Variants in CNNM3 observed in about 807,000 individuals in gnomAD.
The protein encoded by CNNM3 is cyclin and CBS domain divalent metal cation transport mediator 3.
In CNNM3, 47 loss-of-function variants were observed where a neutral mutation model predicts 57.1. The ratio of observed to expected loss-of-function variants is 0.82; its 90% CI spans 0.65 to 1.05. The LOEUF is 1.05. Among genes scored for constraint, CNNM3 ranks in the 50% least tolerant of loss-of-function variants. The probability of loss-of-function intolerance (pLI) is 0.00; values close to 1 mark genes in which losing one functional copy is unlikely to be tolerated. For synonymous variants in CNNM3, 507 were observed against 478.2 expected, an observed-to-expected ratio of 1.06 and a Z score of -0.79; for missense variants, 957 against 973.7, an observed-to-expected ratio of 0.98 and a Z score of 0.23.
chr2:96,818,462 C>G (rs1296212976), intron 1 of CNNM3, among the ~76,000 whole-genome samples: 59 of 150,648 alleles, frequency 3.9e-4, no homozygotes, highest in Non-Finnish European at 1.5e-4. Flanking sequence ...TTTTGCCCAG[C>G]CTGGTCTCGA....
chr2:96,824,971 T>C (rs1273502488), intron 1 of CNNM3, 87 bp from the exon 2 acceptor site: 14 of 1,485,856 alleles, frequency 9.4e-6, no homozygotes, highest in Non-Finnish European at 1.3e-5. Context: ...ACGTTAGCCG[T>C]GTCCTTTTGG....
intron 7 of CNNM3, chr2:96,832,039 C>T (rs1030117692): frequency 5.1e-6 from 5 of 987,810 alleles, no homozygotes; most frequent in Admixed American, 6.1e-5. Context: ...TGGACTAGTG[C>T]GCGTTTTTTG....
rs2079316906 is a variant in CNNM3 at position 96,816,397 on chromosome 2, G to C, written c.120G>C (p.Glu40Asp). 1.7e-5 allele frequency: 24 copies of C among 1,374,278 alleles called. No homozygotes were observed. The highest frequency in any genetic ancestry group is 1.7e-5 in the South Asian group (1 of 57,982). The allele number at this position is 1,374,278 out of a possible 1,614,324, so 85.1% of individuals were successfully genotyped here. A position where few individuals can be genotyped will look rare whatever the true frequency, so the allele number is the denominator to read the frequency against. ...GPRVLGFCLE[E>D]DGAAGAGWVR... is the part of the protein sequence containing the mutation. ...GAGTGCTGGGCTTCTGCCTGGAGGA[G>C]GATGGAGCGGCGGGCGCGGGTTGGG... Residue 40 changes from glutamate (E) to aspartate (D), a missense_variant, in exon 1 of 8, where the codon GAG becomes GAC. Glu to Asp is a conservative substitution (Grantham distance 45). Around this residue, in one of 2 missense-constraint regions of CNNM3, gnomAD observed 466 missense variants for 403.1 expected, o/e 1.16. Coordinates refer to ENST00000305510, the MANE Select transcript of CNNM3 (RefSeq NM_017623.5).
In CNNM3 at chr2:96,834,334, TTA is replaced by T. The variant is rs1322947661; in HGVS notation, c.*1720_*1721del. On this transcript the variant is annotated 3_prime_UTR_variant, in exon 8 of 8. Transcript: ENST00000305510. ...GAGTTTTCAATTTTTTATTTATTTA[TTA>T]TTATTATTATTATTATTATTATTAT... 1.5e-4 allele frequency among the ~76,000 whole-genome samples: 18 copies of T among 124,062 alleles called. No individual in the cohort carries two copies. Among genetic ancestry groups the T allele is most frequent in the African/African-American group, 8.8e-4 (17 of 19,268 alleles). The allele number at this position is 124,062 out of a possible 152,430, so 81.4% of individuals were successfully genotyped here.
chr2:96,836,523 G>A (rs2079693108), downstream of CNNM3: 1 of 152,142 alleles, frequency 6.6e-6, no homozygotes, highest in East Asian at 1.9e-4. Flanking sequence ...TTATAGGCAT[G>A]AGCCACCATG....
chr2:96,831,658 AG>A (rs2079603967), intron 7 of CNNM3, among the ~76,000 whole-genome samples: 1 of 152,026 alleles, frequency 6.6e-6, no homozygotes, highest in Non-Finnish European at 1.5e-5. Context: ...TTACAGAAAA[AG>A]TTGTCTGACC....
chr2:96,818,713 C>T (rs2079363152), intron 1 of CNNM3, among the ~76,000 whole-genome samples: 1 of 152,218 alleles, frequency 6.6e-6, no homozygotes, highest in South Asian at 2.1e-4. Flanking sequence ...CCAACATCAT[C>T]CTTAGTGGTG....
chr2:96,820,437 G>C (rs2079389035), intron 1 of CNNM3, among the ~76,000 whole-genome samples: 1 of 152,208 alleles, frequency 6.6e-6, no homozygotes, highest in African/African-American at 2.4e-5. Context: ...GTGGGAGGCA[G>C]AATAGGAGTG....
Position 96,816,436 on chromosome 2 carries a change from G to C in CNNM3, c.159G>C (p.Ala53=), listed in dbSNP as rs1256634396. ...AAGAGWVRGG[A]ARDTPDATFL... is the part of the protein sequence containing the mutation. ...GCGCGGGTTGGGTACGCGGAGGGGC[G>C]GCGCGGGACACGCCGGACGCCACCT... is the stretch of plus-strand genomic sequence containing the variant. Residue 53 remains alanine (A), a synonymous_variant, in exon 1 of 8, where the codon GCG becomes GCC. Transcript: ENST00000305510. 6 of 1,401,336 alleles carry C rather than the reference G, an allele frequency of 4.3e-6. No individual in the cohort carries two copies. Among genetic ancestry groups the C allele is most frequent in the Non-Finnish European group, 5.6e-6 (6 of 1,079,596 alleles). 86.8% of individuals were successfully genotyped at this position (1,401,336 alleles called of 1,614,324 possible). A position where few individuals can be genotyped will look rare whatever the true frequency, so the allele number is the denominator to read the frequency against.
At position 96,817,127 on chromosome 2, in the gene CNNM3, G is replaced by A. The variant is rs756385956; in HGVS notation, c.850G>A (p.Gly284Arg). The A allele has an allele frequency of 5.5e-5, 74 of 1,350,066 alleles. No individual in the cohort carries two copies. Among genetic ancestry groups the A allele is most frequent in the South Asian group, 2.0e-5 (1 of 51,082 alleles). The allele number at this position is 1,350,066 out of a possible 1,614,324, so 83.6% of individuals were successfully genotyped here. Residue 284 changes from glycine to arginine, a missense_variant, in exon 1 of 8, where the codon GGG becomes AGG. Gly to Arg is a moderately radical substitution (Grantham distance 125). This residue lies in a region of CNNM3 where 466 missense variants were observed against 403.1 expected (regional missense o/e 1.16). Coordinates refer to ENST00000305510, the MANE Select transcript of CNNM3 (RefSeq NM_017623.5). ...GQLLELAARP[G>R]RLRERVLELA... ...GCTGCTGGAGCTGGCGGCGCGGCCC[G>A]GGCGGCTGCGGGAGCGGGTGCTGGA... is the stretch of plus-strand genomic sequence containing the variant.
chr2:96,835,067 A>G lies in CNNM3; in HGVS notation c.*2451A>G, dbSNP rs957995963. Among the ~76,000 whole-genome samples the G allele has an allele frequency of 6.6e-6, 1 of 152,332 alleles. No homozygotes were observed. On this transcript the variant is annotated 3_prime_UTR_variant, in exon 8 of 8. Transcript: ENST00000305510. ...GTGTAACTACCACTGCAATCAGGATAAAGAAGTCCCATCCCCACAAGGATC... is the reference window on the plus strand; with the variant it reads ...GTGTAACTACCACTGCAATCAGGATGAAGAAGTCCCATCCCCACAAGGATC...
At chr2:96,826,087 C>T (rs903134945) in intron 2 of CNNM3, among the ~76,000 whole-genome samples, 6 of 152,222 alleles carry the variant, frequency 3.9e-5, no homozygotes, top group African/African-American at 7.2e-5. Context: ...TCTCTAGTTC[C>T]GTTCTTGAGA....
At chr2:96,826,712 T>C (rs2079511966) in intron 2 of CNNM3, 121 bp from the exon 3 acceptor site, 6 of 1,190,074 alleles carry the variant, frequency 5.0e-6, no homozygotes, top group Admixed American at 2.0e-5. Context: ...GGCGTTCCGA[T>C]GCTGCTCCAT....
At position 96,816,809 on chromosome 2, in the gene CNNM3, C is replaced by G; in HGVS notation, c.532C>G (p.Arg178Gly). The change falls in exon 1 of 8, where the codon CGT (arginine) becomes GGT (glycine). Residue 178 changes from arginine (R) to glycine (G), a missense_variant. Around this residue, in one of 2 missense-constraint regions of CNNM3, gnomAD observed 466 missense variants for 403.1 expected, o/e 1.16. Coordinates refer to ENST00000305510, the MANE Select transcript of CNNM3 (RefSeq NM_017623.5). ...VLRESGSEAE[R>G]AAARRLEPAR... Reference sequence around the variant, plus strand: ...GCGCGAGAGCGGCTCGGAGGCGGAGCGTGCGGCGGCGCGGCGTTTGGAGCC... The same window carrying G: ...GCGCGAGAGCGGCTCGGAGGCGGAGGGTGCGGCGGCGCGGCGTTTGGAGCC... The G allele has an allele frequency of 9.7e-7, 1 of 1,027,128 alleles. No individual in the cohort carries two copies. The highest frequency in any genetic ancestry group is 1.2e-6 in the Non-Finnish European group (1 of 860,142). 63.6% of individuals were successfully genotyped at this position (1,027,128 alleles called of 1,614,324 possible).
intron 5 of CNNM3, 77 bp downstream of exon 5, chr2:96,828,272 C>A: frequency 8.4e-7 from 1 of 1,190,400 alleles, no homozygotes; most frequent in South Asian, 1.3e-5. Context: ...CTTGGGCTCT[C>A]AGTGCCCCTC....
rs963755158 is a variant in CNNM3 at position 96,833,241 on chromosome 2, G to A, written c.*625G>A. On this transcript the variant is annotated 3_prime_UTR_variant, in exon 8 of 8. Coordinates refer to ENST00000305510, the MANE Select transcript of CNNM3 (RefSeq NM_017623.5). Reference sequence around the variant, plus strand: ...GTCCCTGTAGCCCTGCTCCCTCCCTGGAGGCTGCTCTTCTGATTCTGAGAG... The same window carrying A: ...GTCCCTGTAGCCCTGCTCCCTCCCTAGAGGCTGCTCTTCTGATTCTGAGAG... The A allele has an allele frequency of 1.4e-5, 5 of 347,168 alleles. No individual in the cohort carries two copies. Among genetic ancestry groups the A allele is most frequent in the Non-Finnish European group, 2.3e-5 (4 of 176,070 alleles). The allele number at this position is 347,168 out of a possible 1,614,324, so 21.5% of individuals were successfully genotyped here. A position where few individuals can be genotyped will look rare whatever the true frequency, so the allele number is the denominator to read the frequency against.
intron 1 of CNNM3, among the ~76,000 whole-genome samples, chr2:96,821,997 TTATTATTA>T (rs1282846085): frequency 3.3e-5 from 5 of 150,638 alleles, no homozygotes; most frequent in African/African-American, 1.2e-4. Flanking sequence ...ATTATTATTA[TTATTATTA>T]TTTTTTTTTT....
intron 4 of CNNM3, 42 bp downstream of exon 4, chr2:96,827,942 A>G: frequency 4.4e-6 from 7 of 1,597,176 alleles, no homozygotes; most frequent in Non-Finnish European, 6.0e-6. Flanking sequence ...CTGCTTCCTC[A>G]GGCCAGGGAA....
intron 2 of CNNM3, 43 bp downstream of exon 2, chr2:96,825,244 A>G: frequency 2.5e-6 from 4 of 1,606,970 alleles, no homozygotes; most frequent in Middle Eastern, 1.7e-4. Context: ...CTGGGCCTGC[A>G]CACTTCCCCA....
Sources: gnomAD v4.1 joint callset for allele counts (sites outside exome capture counted in the v4.1 genomes callset) on GRCh38, gnomAD v4.1.1 for gene constraint, gnomAD v4.1.1 regional missense constraint, MANE v1.5 for transcripts, NCBI Gene and HGNC (gene_info 2026-07-23, HGNC 2026-07-21) for gene names.